DMD: variants seen among roughly 807,000 people sequenced by gnomAD.
DMD encodes mutant dystrophin.
DMD carries 63 observed loss-of-function variants against 330.1 expected under a neutral mutation model. The ratio of observed to expected loss-of-function variants is 0.19; its 90% CI spans 0.16 to 0.24. The LOEUF (loss-of-function observed/expected upper bound fraction) is 0.24. Ranked by LOEUF, DMD falls within the 10% of genes least tolerant of loss-of-function variation. The pLI, the probability that DMD is intolerant of heterozygous loss-of-function variation, is 1.00. For synonymous variants in DMD, 1,223 were observed against 959.8 expected, an observed-to-expected ratio of 1.27 and a Z score of -5.07; for missense variants, 3,344 against 2,684.1, an observed-to-expected ratio of 1.25 and a Z score of -5.43.
intron 60 of DMD, among the ~76,000 whole-genome samples, chrX:31,419,787 G>A (rs911452401): frequency 4.5e-5 from 5 of 111,913 alleles, no homozygotes; most frequent in Admixed American, 1.9e-4. Flanking sequence ...AAATCTTGAG[G>A]TAGAGCTGGA....
chrX:31,698,881 T>C (rs1179584439), intron 52 of DMD, among the ~76,000 whole-genome samples: 1 of 111,859 alleles, frequency 8.9e-6, no homozygotes, highest in Non-Finnish European at 1.9e-5. Flanking sequence ...AAAGCTAGAA[T>C]GCAGAAACAG....
intron 44 of DMD, chrX:32,155,456 G>C (rs952829493): frequency 1.3e-6 from 1 of 751,892 alleles, no homozygotes; most frequent in African/African-American, 2.3e-5. Flanking sequence ...ACAAAGCTTT[G>C]CCATTGCTAG....
chrX:32,726,694 G>A (rs759367597), intron 7 of DMD, among the ~76,000 whole-genome samples: 3 of 110,592 alleles, frequency 2.7e-5, no homozygotes, highest in South Asian at 7.6e-4. Context: ...TTTGTGGGAA[G>A]TTTTTTTTAT....
intron 2 of DMD, among the ~76,000 whole-genome samples, chrX:32,906,086 C>T (rs974120919): frequency 8.9e-6 from 1 of 112,255 alleles, no homozygotes; most frequent in African/African-American, 3.2e-5. Flanking sequence ...AAATTCATGT[C>T]CCCACGAAAT....
chrX:33,230,603 G>A (rs1436233868), intron 1 of DMD, among the ~76,000 whole-genome samples: 1 of 110,859 alleles, frequency 9.0e-6, no homozygotes, highest in African/African-American at 3.3e-5. Context: ...GCAAAAGGAG[G>A]GAGTTGCATA....
chrX:31,577,352 T>C (rs190895882), intron 55 of DMD, among the ~76,000 whole-genome samples: 1 of 112,524 alleles, frequency 8.9e-6, no homozygotes, highest in African/African-American at 3.2e-5. Flanking sequence ...GCCAGATCAC[T>C]ATTAATTCCT....
chrX:33,018,509 A>C (rs1368120442), intron 2 of DMD, among the ~76,000 whole-genome samples: 1 of 111,866 alleles, frequency 8.9e-6, no homozygotes, highest in Non-Finnish European at 1.9e-5. Context: ...GTTGTGATAA[A>C]TGATAATGGA....
chrX:32,722,913 C>T (rs1425616276), intron 7 of DMD, among the ~76,000 whole-genome samples: 1 of 105,350 alleles, frequency 9.5e-6, no homozygotes, highest in Non-Finnish European at 1.9e-5. Context: ...GATGTGAAAG[C>T]CTTTTATTAA....
chrX:31,889,626 C>A (rs1005544564), intron 47 of DMD, among the ~76,000 whole-genome samples: 1 of 48,925 alleles, frequency 2.0e-5, no homozygotes, highest in African/African-American at 1.0e-4. Context: ...CTCTGTCTCT[C>A]TCTCTCTCTC....
At chrX:32,965,031 A>T (rs1874646213) in intron 2 of DMD, among the ~76,000 whole-genome samples, 1 of 110,761 alleles carries the variant, frequency 9.0e-6, no homozygotes, top group South Asian at 3.8e-4. Flanking sequence ...GTAATCAACA[A>T]ACCTAGACAA....
chrX:32,112,940 G>A (rs1457533524), intron 44 of DMD, among the ~76,000 whole-genome samples: 1 of 111,991 alleles, frequency 8.9e-6, no homozygotes, highest in Non-Finnish European at 1.9e-5. Flanking sequence ...CGATTTCTCA[G>A]GCTATTATAG....
chrX:31,434,238 G>C lies in DMD; in HGVS notation c.9084+10243C>G, dbSNP rs188159555. Reference sequence around the variant, plus strand: ...TCCCTAGTTATTCAATTTACATACTGGAATTTTACAACCCTGTTTAGTTAG... The same window carrying C: ...TCCCTAGTTATTCAATTTACATACTCGAATTTTACAACCCTGTTTAGTTAG... On this transcript the variant is annotated intron_variant, in intron 60 of 78. Transcript: ENST00000357033. Among the ~76,000 whole-genome samples, 47 of 111,007 alleles carry C rather than the reference G, an allele frequency of 4.2e-4. 1 individual carries two copies. Among genetic ancestry groups the C allele is most frequent in the African/African-American group, 1.5e-3 (45 of 30,587 alleles).
chrX:32,944,262 A>G (rs2090630965), intron 2 of DMD, among the ~76,000 whole-genome samples: 1 of 112,427 alleles, frequency 8.9e-6, no homozygotes, highest in Non-Finnish European at 1.9e-5. Context: ...TAATGTACAG[A>G]TTTTAAAAAT....
At chrX:31,661,727 ATG>A (rs373190781) in intron 53 of DMD, among the ~76,000 whole-genome samples, 6 of 109,238 alleles carry the variant, frequency 5.5e-5, no homozygotes, top group Non-Finnish European at 1.1e-4. Flanking sequence ...GTGTGTGTGT[ATG>A]TGTGTGTGTG....
intron 55 of DMD, among the ~76,000 whole-genome samples, chrX:31,529,723 T>C (rs1471693022): frequency 9.0e-6 from 1 of 111,667 alleles, no homozygotes; most frequent in Non-Finnish European, 1.9e-5. Context: ...CCTCTCACCG[T>C]GGGGAGTAAA....
intron 12 of DMD, among the ~76,000 whole-genome samples, chrX:32,596,091 C>T (rs1433301385): frequency 9.0e-6 from 1 of 111,141 alleles, no homozygotes; most frequent in African/African-American, 3.3e-5. Context: ...CTAGAGAAGA[C>T]AAATGTTAAG....
intron 44 of DMD, among the ~76,000 whole-genome samples, chrX:31,993,938 A>G (rs2095567119): frequency 9.0e-6 from 1 of 111,536 alleles, no homozygotes; most frequent in Non-Finnish European, 1.9e-5. Flanking sequence ...AAGAATGATA[A>G]CGGGCATTGA....
chrX:31,738,532 T>C (rs1875463440), intron 51 of DMD, among the ~76,000 whole-genome samples: 1 of 112,037 alleles, frequency 8.9e-6, no homozygotes, highest in African/African-American at 3.2e-5. Context: ...CTCAAAAAAC[T>C]AAAAATAGAG....
chrX:32,925,940 T>C (rs1369027676), intron 2 of DMD, among the ~76,000 whole-genome samples: 1 of 112,065 alleles, frequency 8.9e-6, no homozygotes, highest in African/African-American at 3.2e-5. Flanking sequence ...GCAATCCCAT[T>C]ACTGAGTATG....
Sources: allele counts gnomAD v4.1 joint callset (sites outside exome capture counted in the v4.1 genomes callset), GRCh38; gene constraint gnomAD v4.1.1; transcripts MANE v1.5; gene names NCBI Gene and HGNC (gene_info 2026-07-23, HGNC 2026-07-21).